The following KIF26A variants were observed in gnomAD, a reference collection of about 807,000 sequenced individuals.
KIF26A encodes the protein kinesin-like protein KIF26A.
KIF26A carries 74 observed loss-of-function variants against 126.0 expected under a neutral mutation model. The observed-to-expected ratio is 0.59, with a 90% CI of 0.49 to 0.71. The LOEUF (loss-of-function observed/expected upper bound fraction) is 0.71. KIF26A is among the 30% of genes least tolerant of loss of function. KIF26A has a pLI of 0.00. For missense variants in KIF26A, 2,984 were observed against 2,763.3 expected, an observed-to-expected ratio of 1.08 and a Z score of -1.79; for synonymous variants, 1,445 against 1,232.7, an observed-to-expected ratio of 1.17 and a Z score of -3.61.
chr14:104,159,560 C>A (rs915430832), intron 4 of KIF26A, among the ~76,000 whole-genome samples: 1 of 152,192 alleles, frequency 6.6e-6, no homozygotes, highest in Admixed American at 6.5e-5. Context: ...GTTTGGGAGC[C>A]GAGGCCGGTG....
rs2037994086 is a variant in KIF26A, at chr14:104,174,374, C to T, written c.2193+64C>T. ...CTCGGCTCCTGTGTCCACTGCAGGC[C>T]TCTGCTGGCCTGGTTGGGGTGGGGG... On this transcript the variant is annotated intron_variant, in intron 11 of 14. Coordinates refer to ENST00000423312, the MANE Select transcript of KIF26A (RefSeq NM_015656.2). The T allele has an allele frequency of 4.9e-6, 7 of 1,415,200 alleles. No homozygotes were observed. The South Asian group carries it at 9.1e-5, about 18-fold the overall frequency. The allele number at this position is 1,415,200 out of a possible 1,614,324, so 87.7% of individuals were successfully genotyped here.
At chr14:104,159,898 CTGGGTTTTGTGGGTG>C (rs2037817764) in intron 4 of KIF26A, among the ~76,000 whole-genome samples, 1 of 152,104 alleles carries the variant, frequency 6.6e-6, no homozygotes, top group African/African-American at 2.4e-5. Flanking sequence ...GTGTCCACTC[CTGGGTTTTGTGGGTG>C]TGGGGCTGTG....
In KIF26A at chr14:104,157,833, TCGAAGG is replaced by T. The variant is rs2037795627; in HGVS notation, c.816_821del (p.Lys273_Ala274del). Reference sequence around the variant, plus strand: ...CCCCGTGGCCGGCCCTGATGGCTTGTCGAAGGCCTGGGGCCGTGGTGGAGTCTGCAC... The same window carrying T: ...CCCCGTGGCCGGCCCTGATGGCTTGTCCTGGGGCCGTGGTGGAGTCTGCAC... On this transcript the variant is annotated inframe_deletion, in exon 4 of 15. Coordinates refer to ENST00000423312, the MANE Select transcript of KIF26A (RefSeq NM_015656.2). 6.2e-7 allele frequency: 1 copy of T among 1,609,326 alleles called. No homozygotes were observed. Among genetic ancestry groups the T allele is most frequent in the African/African-American group, 1.3e-5 (1 of 74,822 alleles).
Position 104,176,371 on chromosome 14 carries a change from G to T in KIF26A, c.3583G>T (p.Gly1195Trp). Residue 1195 changes from glycine (G) to tryptophan (W), a missense_variant, in exon 12 of 15, where the codon GGG (glycine) becomes TGG (tryptophan). Physicochemically the swap from Gly to Trp is radical, Grantham distance 184. Coordinates refer to ENST00000423312, the MANE Select transcript of KIF26A (RefSeq NM_015656.2). Reference sequence around the variant, plus strand: ...CCGACCCGGCAGGGAGCCCCAGGCCGGGCCCTCGCGGTGGGCATCCGCAGC... The same window carrying T: ...CCGACCCGGCAGGGAGCCCCAGGCCTGGCCCTCGCGGTGGGCATCCGCAGC... ...PSRPGREPQA[G>W]PSRWASAAQT... 1.3e-6 allele frequency: 2 copies of T among 1,583,146 alleles called. No homozygotes were observed. Among genetic ancestry groups the T allele is most frequent in the Non-Finnish European group, 1.7e-6 (2 of 1,162,050 alleles).
At position 104,152,247 on chromosome 14, in the gene KIF26A, C is replaced by G. The variant is rs2037736699; in HGVS notation, c.521C>G (p.Pro174Arg). The G allele has an allele frequency of 1.9e-6, 3 of 1,597,048 alleles. No individual in the cohort carries two copies. The highest frequency in any genetic ancestry group is 2.6e-6 in the Non-Finnish European group (3 of 1,173,976). The change falls in exon 3 of 15, where the codon CCA becomes CGA. Residue 174 changes from proline (P) to arginine (R), a missense_variant. Coordinates refer to ENST00000423312, the MANE Select transcript of KIF26A (RefSeq NM_015656.2). The surrounding 1 kb of genome is among the most constrained non-coding windows in gnomAD (Gnocchi z 5.9). ...ACCACGACCAGCTCGAGGGACACGC[C>G]AGGACCAGCGGGTCCTGCAGGGAGG... is the stretch of plus-strand genomic sequence containing the variant. Reference protein sequence around the residue: ...PSTTTSSRDTPGPAGPAGRQP... With the variant: ...PSTTTSSRDTRGPAGPAGRQP...
In KIF26A at chr14:104,171,879, G is replaced by A. The variant is rs2037961364; in HGVS notation, c.1270G>A (p.Ala424Thr). The A allele has an allele frequency of 3.8e-6, 6 of 1,559,106 alleles. No individual in the cohort carries two copies. Among genetic ancestry groups the A allele is most frequent in the Non-Finnish European group, 5.2e-6 (6 of 1,152,428 alleles). ...CGCAGGCCCCCGGCGAGCCGCCACT[G>A]CTGCAGTTCCCAAGATGTTTGCCTT... ...GSAGPRRAAT[A>T]AVPKMFAFDA... is the part of the protein sequence containing the mutation. Residue 424 changes from alanine to threonine, a missense_variant, in exon 6 of 15, where the codon GCT becomes ACT. Ala to Thr is a moderately conservative substitution (Grantham distance 58). Coordinates refer to ENST00000423312, the MANE Select transcript of KIF26A (RefSeq NM_015656.2).
chr14:104,143,769 C>T (rs888200171), intron 2 of KIF26A, among the ~76,000 whole-genome samples: 2 of 152,234 alleles, frequency 1.3e-5, no homozygotes, highest in Non-Finnish European at 2.9e-5. Context: ...CTGCCAGGGC[C>T]ACCTTTGTGC....
At chr14:104,150,154 C>G (rs1324647984) in intron 2 of KIF26A, among the ~76,000 whole-genome samples, 1 of 122,994 alleles carries the variant, frequency 8.1e-6, no homozygotes, top group Non-Finnish European at 1.8e-5. Context: ...CCCCCTCCTC[C>G]TCCTCCCCCT....
intron 3 of KIF26A, 38 bp from the exon 4 acceptor site, chr14:104,157,717 C>T: frequency 6.3e-7 from 1 of 1,589,550 alleles, no homozygotes; most frequent in Non-Finnish European, 8.6e-7. Flanking sequence ...GTGTCTCTGC[C>T]CTTGCGTTCC....
Position 104,175,936 on chromosome 14 carries a change from CGG to C in KIF26A, c.3149_3150del (p.Arg1050ProfsTer6). ...CCTGGGGGCGCTTGCCGGAGCTGGG[CGG>C]CCCACCAGCCTGGCTAGCTTCGACA... ...LSLGALAGAG[R>X]PTSLASFDSD... On this transcript the variant is annotated frameshift_variant, in exon 12 of 15. Transcript: ENST00000423312. LOFTEE classifies it high-confidence loss of function. 6.4e-7 allele frequency: 1 copy of C among 1,557,378 alleles called. No individual in the cohort carries two copies. Among genetic ancestry groups the C allele is most frequent in the Non-Finnish European group, 8.6e-7 (1 of 1,157,410 alleles).
intron 3 of KIF26A, among the ~76,000 whole-genome samples, chr14:104,154,101 G>C (rs980581982): frequency 1.1e-4 from 16 of 152,206 alleles, no homozygotes; most frequent in African/African-American, 3.6e-4. Context: ...GATCATTAGC[G>C]TGGCCCTGGA....
intron 2 of KIF26A, among the ~76,000 whole-genome samples, chr14:104,150,616 C>A (rs1384974775): frequency 1.3e-5 from 2 of 152,190 alleles, no homozygotes; most frequent in Non-Finnish European, 2.9e-5. Context: ...AAGACACCCC[C>A]TCCCCGGGAT....
Position 104,151,978 on chromosome 14 carries a change from A to G in KIF26A, c.289-37A>G, listed in dbSNP as rs761001814. On this transcript the variant is annotated intron_variant, in intron 2 of 14. Transcript: ENST00000423312. The surrounding 1 kb of genome is among the most constrained non-coding windows in gnomAD (Gnocchi z 4.9). The stretch of plus-strand genomic sequence containing the variant: ...CTCTGGGTGCCGGCCCTCCCTCCCC[A>G]GGCACTGACCCTGCCTTTGTCCCTT... 7 of 1,599,132 alleles carry G rather than the reference A, an allele frequency of 4.4e-6. No individual in the cohort carries two copies. The highest frequency in any genetic ancestry group is 1.7e-4 in the Middle Eastern group (1 of 6,008).
chr14:104,178,937 C>T (rs1017736266), intron 13 of KIF26A, among the ~76,000 whole-genome samples, 182 bp downstream of exon 13: 2 of 152,156 alleles, frequency 1.3e-5, no homozygotes, highest in Non-Finnish European at 2.9e-5. Flanking sequence ...CCAGCCCAAG[C>T]CTGTTGCAGC....
chr14:104,168,403 G>A (rs184810295), intron 5 of KIF26A, among the ~76,000 whole-genome samples: 2 of 152,202 alleles, frequency 1.3e-5, no homozygotes, highest in Admixed American at 1.3e-4. Context: ...CTGAATTGAC[G>A]GTGGCTACTG....
Position 104,176,316 on chromosome 14 carries a change from C to T in KIF26A, c.3528C>T (p.Cys1176=). Residue 1176 remains cysteine, a synonymous_variant, in exon 12 of 15, where the codon TGC becomes TGT. Transcript: ENST00000423312. ...GTCCTGGGCCAACCTGGGGTCCGTG[C>T]CCTGGGGAAGTGGCTGCAGTGGCCC... ...PDSPGPTWGP[C]PGEVAAVAPS... The T allele has an allele frequency of 6.3e-7, 1 of 1,584,902 alleles. No homozygotes were observed. Among genetic ancestry groups the T allele is most frequent in the Non-Finnish European group, 8.6e-7 (1 of 1,162,466 alleles).
In KIF26A at chr14:104,151,062, G is replaced by T. The variant is rs924194160; in HGVS notation, c.289-953G>T. On this transcript the variant is annotated intron_variant, in intron 2 of 14. Coordinates refer to ENST00000423312, the MANE Select transcript of KIF26A (RefSeq NM_015656.2). The surrounding 1 kb of genome is among the most constrained non-coding windows in gnomAD (Gnocchi z 4.9). ...GGCAAGGCCAGAGCCTGGTGGGGTG[G>T]TGAGGGACACGGGTGGGCCCCAGAG... Among the ~76,000 whole-genome samples the T allele has an allele frequency of 1.3e-5, 2 of 152,220 alleles. No homozygotes were observed. Among genetic ancestry groups the T allele is most frequent in the Non-Finnish European group, 2.9e-5 (2 of 68,028 alleles).
chr14:104,171,101 CCTT>C (rs1272780888), intron 5 of KIF26A, among the ~76,000 whole-genome samples: 4 of 152,230 alleles, frequency 2.6e-5, no homozygotes, highest in Non-Finnish European at 2.9e-5. Context: ...TGGATGGGAT[CCTT>C]CTTATCTTGC....
intron 5 of KIF26A, among the ~76,000 whole-genome samples, chr14:104,170,841 C>T (rs1313906485): frequency 6.6e-6 from 1 of 152,274 alleles, no homozygotes; most frequent in Non-Finnish European, 1.5e-5. Context: ...CGTCTGCCCC[C>T]TCTCAGGGTA....
Sources: allele counts gnomAD v4.1 joint callset (sites outside exome capture counted in the v4.1 genomes callset), GRCh38; gene constraint gnomAD v4.1.1; non-coding constraint Gnocchi (gnomAD v3.1); transcripts MANE v1.5; gene names NCBI Gene and HGNC (gene_info 2026-07-23, HGNC 2026-07-21).